AGAP1: variants seen among roughly 807,000 people sequenced by gnomAD.
The protein encoded by AGAP1 is ArfGAP with GTPase domain, ankyrin repeat and PH domain 1, also known as arf-GAP with GTPase, ANK repeat and PH domain-containing protein 1.
AGAP1 carries 29 observed loss-of-function variants against 105.3 expected under a neutral mutation model. That is an observed-to-expected ratio of 0.28 (90% confidence interval 0.21 to 0.38). The LOEUF (loss-of-function observed/expected upper bound fraction) is 0.38. Among genes scored for constraint, AGAP1 ranks in the 10% least tolerant of loss-of-function variants. The pLI is 1.00. For missense variants in AGAP1, 998 were observed against 1,165.1 expected, an observed-to-expected ratio of 0.86 and a Z score of 2.09; for synonymous variants, 509 against 485.9, an observed-to-expected ratio of 1.05 and a Z score of -0.63.
At chr2:235,804,622 G>A (rs1425588646) in intron 8 of AGAP1, among the ~76,000 whole-genome samples, 2 of 152,206 alleles carry the variant, frequency 1.3e-5, no homozygotes, top group Non-Finnish European at 2.9e-5. Context: ...TGATGGGAGT[G>A]TCCTCCATGG....
intron 10 of AGAP1, among the ~76,000 whole-genome samples, chr2:235,902,670 A>G (rs1448132682): frequency 1.3e-5 from 2 of 152,188 alleles, no homozygotes; most frequent in Non-Finnish European, 2.9e-5. Context: ...GAGTCAGTCA[A>G]TGTCTGGCAC....
rs774039923 is a variant in AGAP1, at chr2:236,036,694, G to A, written c.1779G>A (p.Ser593=). 6.3e-5 allele frequency: 102 copies of A among 1,614,200 alleles called. 1 individual carries two copies. The East Asian group carries it at 1.5e-3, about 23-fold the overall frequency. Residue 593 remains serine, a synonymous_variant, in exon 14 of 18, where the codon TCG becomes TCA. Transcript: ENST00000304032. The surrounding 1 kb of genome is among the most constrained non-coding windows in gnomAD (Gnocchi z 5.7). The part of the protein sequence containing the change: ...IESQILASLQ[S]CESSKNKSRL... ...GCCAGATCCTGGCCAGCCTGCAGTC[G>A]TGCGAGAGCAGCAAGAACAAGGTGA... is the stretch of plus-strand genomic sequence containing the variant.
chr2:236,065,586 G>T (rs553943265), intron 16 of AGAP1, among the ~76,000 whole-genome samples: 12 of 152,300 alleles, frequency 7.9e-5, no homozygotes, highest in African/African-American at 2.9e-4. Context: ...GGCCCACAGG[G>T]GCTGCAGAGC....
intron 8 of AGAP1, among the ~76,000 whole-genome samples, chr2:235,805,608 AC>A (rs1220551539): frequency 2.6e-5 from 4 of 152,248 alleles, no homozygotes; most frequent in Admixed American, 2.0e-4. Flanking sequence ...AAAACTAGGA[AC>A]CTCAGGAGCC....
chr2:236,111,419 G>A (rs2059637561), intron 16 of AGAP1, among the ~76,000 whole-genome samples: 1 of 151,944 alleles, frequency 6.6e-6, no homozygotes. Context: ...AAGGGGCTGA[G>A]GTAGGAGGAT....
At chr2:236,013,551 G>C (rs1292265100) in intron 13 of AGAP1, among the ~76,000 whole-genome samples, 1 of 151,324 alleles carries the variant, frequency 6.6e-6, no homozygotes, top group Non-Finnish European at 1.5e-5. Context: ...TGCCTGCTTT[G>C]CGGGCTTAAG....
rs190436767 is a variant in AGAP1 at position 236,038,590 on chromosome 2, G to A, written c.1800+1875G>A. Among the ~76,000 whole-genome samples the A allele has an allele frequency of 9.6e-4, 146 of 152,344 alleles. 1 individual carries two copies. Among genetic ancestry groups the A allele is most frequent in the South Asian group, 2.9e-3 (14 of 4,826 alleles). On this transcript the variant is annotated intron_variant, in intron 14 of 17. Coordinates refer to ENST00000304032, the MANE Select transcript of AGAP1 (RefSeq NM_001037131.3). This position sits in a 1 kb window ranked among gnomAD's most constrained non-coding sequence, Gnocchi z 4.5. ...GGTGGCCGACTCAGAGCTGGTCATCGTGGGCATTGGTTGAACAGGTGTGAG... is the reference window on the plus strand; with the variant it reads ...GGTGGCCGACTCAGAGCTGGTCATCATGGGCATTGGTTGAACAGGTGTGAG...
At chr2:235,859,389 A>ACC (rs2048822071) in intron 9 of AGAP1, among the ~76,000 whole-genome samples, 1 of 24,110 alleles carries the variant, frequency 4.1e-5, no homozygotes, top group Non-Finnish European at 8.9e-5. Context: ...CTCCCCCCAC[A>ACC]ACCTCCCCCC....
rs1402025122 is a variant in AGAP1 at position 235,557,091 on chromosome 2, G to A, written c.163+62242G>A. Among the ~76,000 whole-genome samples the A allele has an allele frequency of 6.6e-6, 1 of 152,174 alleles. No individual in the cohort carries two copies. The highest frequency in any genetic ancestry group is 1.5e-5 in the Non-Finnish European group (1 of 68,040). ...GGGACTTAGGGGACTGGGTCCTGGGGTGAGCTCTGGAGCCCGTGGGTCTGG... is the reference window on the plus strand; with the variant it reads ...GGGACTTAGGGGACTGGGTCCTGGGATGAGCTCTGGAGCCCGTGGGTCTGG... On this transcript the variant is annotated intron_variant, in intron 1 of 17. Transcript: ENST00000304032. The surrounding 1 kb of genome is among the most constrained non-coding windows in gnomAD (Gnocchi z 4.7).
At chr2:235,898,455 G>A (rs966312276) in intron 10 of AGAP1, among the ~76,000 whole-genome samples, 1 of 151,184 alleles carries the variant, frequency 6.6e-6, no homozygotes, top group African/African-American at 2.4e-5. Flanking sequence ...AATGTCATGC[G>A]TTTGCAGAGG....
At chr2:235,761,792 T>C (rs1483935431) in intron 6 of AGAP1, among the ~76,000 whole-genome samples, 2 of 139,164 alleles carry the variant, frequency 1.4e-5, no homozygotes. Flanking sequence ...TGAAGTTTTT[T>C]ATAATTTTTT....
At chr2:235,589,186 A>ATTTTTTTTTTTTTTTTTTTTTTTTTTTTT (rs1559270688) in intron 1 of AGAP1, among the ~76,000 whole-genome samples, 1 of 35,084 alleles carries the variant, frequency 2.9e-5, no homozygotes. Flanking sequence ...TTAATAGCTT[A>ATTTTTTTTTTTTTTTTTTTTTTTTTTTTT]TTGTTTTGTT....
chr2:236,096,272 G>A lies in AGAP1; in HGVS notation c.2115-23920G>A, dbSNP rs1197822646. 6.6e-6 allele frequency among the ~76,000 whole-genome samples: 1 copy of A among 152,126 alleles called. No homozygotes were observed. Among genetic ancestry groups the A allele is most frequent in the African/African-American group, 2.4e-5 (1 of 41,438 alleles). ...TCCCAGCACTTCGGGAGGCCAAGGCGGGGGAATCCCTGAGGTTAGAAGTTC... is the reference window on the plus strand; with the variant it reads ...TCCCAGCACTTCGGGAGGCCAAGGCAGGGGAATCCCTGAGGTTAGAAGTTC... On this transcript the variant is annotated intron_variant, in intron 16 of 17. Transcript: ENST00000304032. This position sits in a 1 kb window ranked among gnomAD's most constrained non-coding sequence, Gnocchi z 4.4.
intron 9 of AGAP1, among the ~76,000 whole-genome samples, chr2:235,863,412 C>T (rs2049017470): frequency 6.6e-6 from 1 of 152,212 alleles, no homozygotes. Context: ...CAAGAAGTTA[C>T]CTTGCGCCCT....
chr2:236,072,023 A>C (rs2058508974), intron 16 of AGAP1, among the ~76,000 whole-genome samples: 1 of 152,136 alleles, frequency 6.6e-6, no homozygotes, highest in Admixed American at 6.5e-5. Context: ...GGAGAGAACT[A>C]AACTTTTTTT....
chr2:235,594,288 G>GTT (rs757990821), intron 1 of AGAP1, among the ~76,000 whole-genome samples: 15 of 138,926 alleles, frequency 1.1e-4, no homozygotes, highest in African/African-American at 2.7e-4. Flanking sequence ...GGCATTCTGG[G>GTT]GTTTTTTTTT....
Position 235,919,276 on chromosome 2 carries a change from C to T in AGAP1, c.1324+10370C>T, listed in dbSNP as rs1466959442. On this transcript the variant is annotated intron_variant, in intron 11 of 17. Coordinates refer to ENST00000304032, the MANE Select transcript of AGAP1 (RefSeq NM_001037131.3). The surrounding 1 kb of genome is among the most constrained non-coding windows in gnomAD (Gnocchi z 4.1). ...GTTGAGTCCGTGGCTTCCCTGCTTC[C>T]TGCAGTCCTTTCCCACACTGGCAGA... 2.0e-5 allele frequency among the ~76,000 whole-genome samples: 3 copies of T among 152,208 alleles called. No individual in the cohort carries two copies. The highest frequency in any genetic ancestry group is 1.9e-4 in the East Asian group (1 of 5,194).
chr2:235,898,488 ACCCCCG>A (rs2050915684), intron 10 of AGAP1, among the ~76,000 whole-genome samples: 1 of 44,556 alleles, frequency 2.2e-5, no homozygotes, highest in African/African-American at 9.0e-5. Context: ...CCCCACCCCC[ACCCCCG>A]CCTGTGCTAC....
rs746208407 is a variant in AGAP1, at chr2:235,900,858, A to C, written c.1156-7880A>C. On this transcript the variant is annotated intron_variant, in intron 10 of 17. Coordinates refer to ENST00000304032, the MANE Select transcript of AGAP1 (RefSeq NM_001037131.3). This position sits in a 1 kb window ranked among gnomAD's most constrained non-coding sequence, Gnocchi z 5.5. The stretch of plus-strand genomic sequence containing the variant: ...ATGCACTTACAAGCATGGGTCAGGT[A>C]GTCTTCAGGAACGCAGTTCTGAAAG... Among the ~76,000 whole-genome samples, 1 of 152,230 alleles carries C rather than the reference A, an allele frequency of 6.6e-6. No homozygotes were observed. Among genetic ancestry groups the C allele is most frequent in the Non-Finnish European group, 1.5e-5 (1 of 68,042 alleles).
Sources: gnomAD v4.1 joint callset for allele counts (sites outside exome capture counted in the v4.1 genomes callset) on GRCh38, gnomAD v4.1.1 for gene constraint, Gnocchi (gnomAD v3.1) non-coding constraint, MANE v1.5 for transcripts, NCBI Gene and HGNC (gene_info 2026-07-23, HGNC 2026-07-21) for gene names.